The following BMPR1B variants were observed in gnomAD, a reference collection of about 807,000 sequenced individuals.
BMPR1B encodes bone morphogenetic protein receptor type 1B.
In BMPR1B, 12 loss-of-function variants were observed where a neutral mutation model predicts 59.1. The ratio of observed to expected loss-of-function variants is 0.20; its 90% CI spans 0.13 to 0.33. The LOEUF (loss-of-function observed/expected upper bound fraction) is 0.33, where lower values mean the gene tolerates loss of function less well. Ranked by LOEUF, BMPR1B falls within the 10% of genes least tolerant of loss-of-function variation. The pLI, the probability that BMPR1B is intolerant of heterozygous loss-of-function variation, is 1.00. For missense variants in BMPR1B, 550 were observed against 610.9 expected, an observed-to-expected ratio of 0.90 and a Z score of 1.05; for synonymous variants, 237 against 207.3, an observed-to-expected ratio of 1.14 and a Z score of -1.23.
At chr4:95,012,461 T>A (rs1723291117) in intron 3 of BMPR1B, among the ~76,000 whole-genome samples, 1 of 152,210 alleles carries the variant, frequency 6.6e-6, no homozygotes, top group Admixed American at 6.5e-5. Flanking sequence ...AATTATTATT[T>A]CAATATGTTG....
intron 2 of BMPR1B, among the ~76,000 whole-genome samples, chr4:94,937,320 C>T (rs547169521): frequency 1.2e-4 from 18 of 152,212 alleles, no homozygotes; most frequent in Admixed American, 2.6e-4. Flanking sequence ...TCTGTCTTCC[C>T]GTATTAATGC....
At chr4:95,035,510 T>C (rs1368806480) in intron 3 of BMPR1B, among the ~76,000 whole-genome samples, 1 of 152,200 alleles carries the variant, frequency 6.6e-6, no homozygotes. Flanking sequence ...TTGCCAATTA[T>C]CTCAGCACCA....
Position 95,097,778 on chromosome 4 carries a change from C to T in BMPR1B, c.-17-6630C>T, listed in dbSNP as rs182859435. Among the ~76,000 whole-genome samples the T allele has an allele frequency of 3.4e-4, 52 of 152,206 alleles. No individual in the cohort carries two copies. In the East Asian group the frequency reaches 8.3e-3, roughly 24 times the overall value. On this transcript the variant is annotated intron_variant, in intron 3 of 12. Transcript: ENST00000515059. Reference sequence around the variant, plus strand: ...GTCTCCATCTCTTGACCTCATGATCCGACCTCCTCAACCTCCTAAAGTGCT... The same window carrying T: ...GTCTCCATCTCTTGACCTCATGATCTGACCTCCTCAACCTCCTAAAGTGCT...
chr4:95,131,431 A>T lies in BMPR1B; in HGVS notation c.995A>T (p.Asp332Val). 1 of 1,614,120 alleles carries T rather than the reference A, an allele frequency of 6.2e-7. No individual in the cohort carries two copies. The highest frequency in any genetic ancestry group is 8.5e-7 in the Non-Finnish European group (1 of 1,180,004). Reference protein sequence around the residue: ...TQGKPAIAHRDLKSKNILVKK... With the variant: ...TQGKPAIAHRVLKSKNILVKK... ...GGCAAACCAGCAATTGCCCATCGAG[A>T]TCTGAAAAGTAAAAACATTCTGGTG... The change falls in exon 10 of 13, where the codon GAT (aspartate) becomes GTT (valine). Residue 332 changes from aspartate to valine, a missense_variant. By Grantham distance (152) the Asp-to-Val change is radical (BLOSUM62 -3). Around this residue, in one of 6 missense-constraint regions of BMPR1B, gnomAD observed 318 missense variants for 284.6 expected, o/e 1.12. Transcript: ENST00000515059.
chr4:95,118,543 T>C (rs1296373441), intron 6 of BMPR1B, among the ~76,000 whole-genome samples: 1 of 152,194 alleles, frequency 6.6e-6, no homozygotes, highest in African/African-American at 2.4e-5. Context: ...CCACTGGTGA[T>C]TCTTAACTTG....
chr4:95,151,959 G>A (rs1344394098), intron 11 of BMPR1B, among the ~76,000 whole-genome samples: 1 of 151,866 alleles, frequency 6.6e-6, no homozygotes, highest in Non-Finnish European at 1.5e-5. Flanking sequence ...TAAAATGAAA[G>A]TTTAGTGTGC....
At chr4:94,820,115 G>A (rs1724150484) in intron 1 of BMPR1B, among the ~76,000 whole-genome samples, 1 of 152,134 alleles carries the variant, frequency 6.6e-6, no homozygotes, top group Non-Finnish European at 1.5e-5. Flanking sequence ...AAGGTTCAGT[G>A]TATTATTCCT....
intron 1 of BMPR1B, among the ~76,000 whole-genome samples, chr4:94,849,954 C>T (rs780300289): frequency 1.3e-5 from 2 of 152,068 alleles, no homozygotes; most frequent in African/African-American, 4.8e-5. Flanking sequence ...TGTATTCTCT[C>T]TCCATTTGTT....
chr4:95,134,893 T>C (rs1464634203), intron 10 of BMPR1B, among the ~76,000 whole-genome samples: 1 of 152,224 alleles, frequency 6.6e-6, no homozygotes, highest in African/African-American at 2.4e-5. Context: ...ATTTTGGCTT[T>C]TGTTGCCATT....
intron 3 of BMPR1B, among the ~76,000 whole-genome samples, chr4:95,092,271 G>A (rs1730050782): frequency 6.6e-6 from 1 of 151,928 alleles, no homozygotes; most frequent in South Asian, 2.1e-4. Context: ...GAGAAGTGAG[G>A]GCAAGTATAT....
In BMPR1B at chr4:94,997,684, G is replaced by C. The variant is rs555078648; in HGVS notation, c.-18+1550G>C. ...ATTAGTGGGTTTGATTTAGATTTTT[G>C]ACAATATCTTTATTTTGAAAATACA... is the stretch of plus-strand genomic sequence containing the variant. On this transcript the variant is annotated intron_variant, in intron 3 of 12. Transcript: ENST00000515059. Among the ~76,000 whole-genome samples, 10 of 151,782 alleles carry C rather than the reference G, an allele frequency of 6.6e-5. No homozygotes were observed. In the South Asian group the frequency reaches 2.1e-3, roughly 32 times the overall value.
At chr4:95,095,662 C>T (rs532100245) in intron 3 of BMPR1B, among the ~76,000 whole-genome samples, 179 of 152,068 alleles carry the variant, frequency 1.2e-3, no homozygotes, top group African/African-American at 4.2e-3. Flanking sequence ...TATTAGTAGA[C>T]CTTGTATGAC....
At chr4:94,962,085 T>G (rs1270588257) in intron 2 of BMPR1B, among the ~76,000 whole-genome samples, 1 of 108,448 alleles carries the variant, frequency 9.2e-6, no homozygotes, top group Non-Finnish European at 1.9e-5. Flanking sequence ...CCTTCCTTCC[T>G]TCCTTCCTTC....
intron 4 of BMPR1B, among the ~76,000 whole-genome samples, chr4:95,112,134 A>G (rs1388640053): frequency 3.9e-5 from 6 of 152,082 alleles, no homozygotes; most frequent in Non-Finnish European, 8.8e-5. Flanking sequence ...ATTCATAATC[A>G]TTACTACAGT....
intron 2 of BMPR1B, among the ~76,000 whole-genome samples, chr4:94,935,216 A>AT (rs1729244902): frequency 6.6e-6 from 1 of 152,154 alleles, no homozygotes; most frequent in South Asian, 2.1e-4. Flanking sequence ...ATGGCACTAG[A>AT]TAGAAACTAA....
chr4:94,971,361 G>A (rs993817095), intron 2 of BMPR1B, among the ~76,000 whole-genome samples: 1 of 152,006 alleles, frequency 6.6e-6, no homozygotes, highest in Non-Finnish European at 1.5e-5. Context: ...CCTACTAAGG[G>A]TATGTTATTA....
At chr4:94,872,196 T>C (rs897864939) in intron 1 of BMPR1B, among the ~76,000 whole-genome samples, 7 of 152,232 alleles carry the variant, frequency 4.6e-5, no homozygotes, top group Non-Finnish European at 8.8e-5. Flanking sequence ...TAAAATCTTT[T>C]AGCTTCTATA....
intron 3 of BMPR1B, among the ~76,000 whole-genome samples, chr4:95,056,218 A>G (rs1726918308): frequency 6.6e-6 from 1 of 152,108 alleles, no homozygotes; most frequent in African/African-American, 2.4e-5. Context: ...TAAAATAGAG[A>G]CTTTGTCTAT....
chr4:95,088,498 T>C (rs1729753841), intron 3 of BMPR1B, among the ~76,000 whole-genome samples: 1 of 152,172 alleles, frequency 6.6e-6, no homozygotes, highest in Admixed American at 6.5e-5. Context: ...CAAAGAACTT[T>C]TAGGATATAA....
Sources: gnomAD v4.1 joint callset for allele counts (sites outside exome capture counted in the v4.1 genomes callset) on GRCh38, gnomAD v4.1.1 for gene constraint, gnomAD v4.1.1 regional missense constraint, MANE v1.5 for transcripts, NCBI Gene and HGNC (gene_info 2026-07-23, HGNC 2026-07-21) for gene names.